Variants in DOCK3 observed in about 807,000 individuals in gnomAD.
DOCK3 encodes the protein dedicator of cytokinesis 3.
DOCK3 carries 60 observed loss-of-function variants against 265.6 expected under a neutral mutation model. That is an observed-to-expected ratio of 0.23 (90% CI 0.18 to 0.28). DOCK3 has a LOEUF of 0.28. DOCK3 is among the 10% of genes least tolerant of loss of function. DOCK3 has a pLI of 1.00. For synonymous variants in DOCK3, 881 were observed against 938.0 expected (o/e 0.94, Z 1.11); for missense variants, 1,981 against 2,594.3 (o/e 0.76, Z 5.14).
chr3:50,880,198 A>G (rs2047948978), intron 3 of DOCK3, among the ~76,000 whole-genome samples: 1 of 152,236 alleles, frequency 6.6e-6, no homozygotes, highest in Admixed American at 6.5e-5. Context: ...TAAAAGTGGC[A>G]CCCTAACATC....
chr3:50,922,615 G>A (rs771147555), intron 4 of DOCK3, among the ~76,000 whole-genome samples: 60 of 152,312 alleles, frequency 3.9e-4, no homozygotes, highest in Non-Finnish European at 2.9e-4. Flanking sequence ...TGTCTTCTGC[G>A]TTGCTCACGC....
intron 1 of DOCK3, among the ~76,000 whole-genome samples, chr3:50,686,525 G>T (rs1392845698): frequency 1.3e-5 from 2 of 152,166 alleles, no homozygotes; most frequent in South Asian, 2.1e-4. Context: ...GTCTTTTGTG[G>T]TTTGGAAGTA....
At chr3:51,347,782 T>TGGAA (rs1428023642) in intron 38 of DOCK3, among the ~76,000 whole-genome samples, 9 of 152,238 alleles carry the variant, frequency 5.9e-5, no homozygotes, top group Non-Finnish European at 1.3e-4. Flanking sequence ...CATGGAATGT[T>TGGAA]CTTCCATTTG....
At chr3:51,028,066 A>AGTATT (rs2079894573) in intron 5 of DOCK3, among the ~76,000 whole-genome samples, 1 of 152,042 alleles carries the variant, frequency 6.6e-6, no homozygotes, top group South Asian at 2.1e-4. Flanking sequence ...TTGTGTAGCA[A>AGTATT]GTATTGTTCT....
At chr3:50,887,863 C>T (rs1337090288) in intron 3 of DOCK3, among the ~76,000 whole-genome samples, 1 of 151,480 alleles carries the variant, frequency 6.6e-6, no homozygotes, top group Non-Finnish European at 1.5e-5. Flanking sequence ...GAACGTATCT[C>T]AAAATAATAA....
chr3:51,054,143 AAAAG>A (rs1440708359), intron 5 of DOCK3, among the ~76,000 whole-genome samples: 3 of 151,536 alleles, frequency 2.0e-5, no homozygotes, highest in Non-Finnish European at 4.4e-5. Flanking sequence ...AAAAAAAAAA[AAAAG>A]AGTTTGTGGG....
chr3:51,317,416 T>A (rs537706849), intron 32 of DOCK3, among the ~76,000 whole-genome samples: 1 of 151,050 alleles, frequency 6.6e-6, no homozygotes, highest in East Asian at 1.9e-4. Context: ...TTAATAATAA[T>A]GTATTGTACA....
At chr3:50,719,953 G>A (rs907848230) in intron 1 of DOCK3, 26 of 478,638 alleles carry the variant, frequency 5.4e-5, no homozygotes, top group South Asian at 3.8e-4. Flanking sequence ...CAGTGATGTC[G>A]GGGTTCTGGG....
intron 1 of DOCK3, among the ~76,000 whole-genome samples, chr3:50,743,066 C>A (rs1358730593): frequency 6.6e-6 from 1 of 151,950 alleles, no homozygotes; most frequent in Non-Finnish European, 1.5e-5. Context: ...GAATTTTCAA[C>A]CCAGAATTTC....
rs1360021966 is a variant in DOCK3 at position 51,341,299 on chromosome 3, G to A, written c.3829G>A (p.Glu1277Lys). The change falls in exon 38 of 53, where the codon GAA becomes AAA. Residue 1277 changes from glutamate (E) to lysine (K), a missense_variant. Glu to Lys is a moderately conservative substitution (Grantham distance 56). Transcript: ENST00000266037. Reference sequence around the variant, plus strand: ...GCAGTGGGAGGACCGGCCACTACGGGAATTCCTCCACTACCCATCGCAGAC... The same window carrying A: ...GCAGTGGGAGGACCGGCCACTACGGAAATTCCTCCACTACCCATCGCAGAC... ...LLQWEDRPLR[E>K]FLHYPSQTEW... The A allele has an allele frequency of 3.1e-6, 5 of 1,612,656 alleles. No individual in the cohort carries two copies. The highest frequency in any genetic ancestry group is 4.2e-6 in the Non-Finnish European group (5 of 1,179,264).
rs1013055926 is a variant in DOCK3, at chr3:51,361,408, G to A, written c.5007-451G>A. Among the ~76,000 whole-genome samples, 5 of 151,966 alleles carry A rather than the reference G, an allele frequency of 3.3e-5. No individual in the cohort carries two copies. The highest frequency in any genetic ancestry group is 1.9e-4 in the East Asian group (1 of 5,172). ...GGAGGCCTGCAGATAGTTCACAGCC[G>A]GCTATTTTGGTAGCTTCCCACACTA... is the stretch of plus-strand genomic sequence containing the variant. On this transcript the variant is annotated intron_variant, in intron 47 of 52. Coordinates refer to ENST00000266037, the MANE Select transcript of DOCK3 (RefSeq NM_004947.5). This position sits in a 1 kb window ranked among gnomAD's most constrained non-coding sequence, Gnocchi z 4.2.
At chr3:51,319,869 AAAAC>A (rs2083585331) in intron 32 of DOCK3, among the ~76,000 whole-genome samples, 1 of 151,762 alleles carries the variant, frequency 6.6e-6, no homozygotes, top group African/African-American at 2.4e-5. Flanking sequence ...ATCTCAAAAA[AAAAC>A]AAACAACAAC....
chr3:50,884,497 T>C (rs890608271), intron 3 of DOCK3, among the ~76,000 whole-genome samples: 1 of 152,220 alleles, frequency 6.6e-6, no homozygotes, highest in African/African-American at 2.4e-5. Context: ...CTGTCTTTTA[T>C]GGTTTTGATG....
intron 26 of DOCK3, 107 bp from the exon 27 acceptor site, chr3:51,279,999 C>A: frequency 3.7e-6 from 3 of 806,126 alleles, no homozygotes; most frequent in Admixed American, 2.6e-5. Context: ...CTTCCATGAT[C>A]ATTGGGGCCA....
intron 12 of DOCK3, among the ~76,000 whole-genome samples, chr3:51,184,328 AAAG>A (rs1164217278): frequency 2.0e-4 from 30 of 151,328 alleles, no homozygotes; most frequent in Admixed American, 1.7e-3. Flanking sequence ...AAAAAAAAAA[AAAG>A]AAAGAAAAAA....
chr3:51,236,224 G>A (rs986292346), intron 19 of DOCK3, 121 bp from the exon 20 acceptor site: 7 of 768,240 alleles, frequency 9.1e-6, no homozygotes, highest in African/African-American at 3.5e-5. Context: ...ATTTTTAAGT[G>A]GTATTTTGAG....
At chr3:51,110,860 G>A (rs531550328) in intron 9 of DOCK3, among the ~76,000 whole-genome samples, 2 of 152,246 alleles carry the variant, frequency 1.3e-5, no homozygotes, top group Admixed American at 6.5e-5. Context: ...GAATTAAAAG[G>A]CCTCTACGTA....
chr3:51,353,349 T>C (rs1347889292), intron 40 of DOCK3, among the ~76,000 whole-genome samples: 1 of 151,966 alleles, frequency 6.6e-6, no homozygotes, highest in Non-Finnish European at 1.5e-5. Context: ...CAGTGGCTCA[T>C]GCCTGTAATC....
chr3:50,963,506 T>C (rs997187017), intron 5 of DOCK3, among the ~76,000 whole-genome samples: 1 of 152,202 alleles, frequency 6.6e-6, no homozygotes, highest in Non-Finnish European at 1.5e-5. Flanking sequence ...TATCTGAGAA[T>C]ATAAACTTGA....
Sources: allele counts gnomAD v4.1 joint callset (sites outside exome capture counted in the v4.1 genomes callset), GRCh38; gene constraint gnomAD v4.1.1; non-coding constraint Gnocchi (gnomAD v3.1); transcripts MANE v1.5; gene names NCBI Gene and HGNC (gene_info 2026-07-23, HGNC 2026-07-21).